Variants in DYM observed in about 807,000 individuals in gnomAD.
The protein encoded by DYM is dyggve-Melchior-Clausen syndrome protein.
Under a neutral mutation model 93.1 loss-of-function variants are expected in DYM, and 78 were observed. The ratio of observed to expected loss-of-function variants is 0.84; its 90% CI spans 0.70 to 1.01. The LOEUF (loss-of-function observed/expected upper bound fraction) is 1.01, where lower values mean the gene tolerates loss of function less well. DYM is among the 50% of genes least tolerant of loss of function. The pLI is 0.00. For missense variants in DYM, 789 were observed against 845.0 expected (o/e 0.93, Z 0.82); for synonymous variants, 321 against 319.7 (o/e 1.00, Z -0.04).
intron 1 of DYM, among the ~76,000 whole-genome samples, chr18:49,435,207 C>CAAAAAA: frequency 1.1e-5 from 1 of 88,754 alleles, no homozygotes; most frequent in Middle Eastern, 6.2e-3. Context: ...GACTCCATCT[C>CAAAAAA]AAAAAAAAAA....
intron 2 of DYM, among the ~76,000 whole-genome samples, chr18:49,401,530 A>C (rs560182821): frequency 1.3e-5 from 2 of 152,288 alleles, no homozygotes; most frequent in East Asian, 3.9e-4. Context: ...AACATCTGTC[A>C]TTTCTTTGTG....
intron 13 of DYM, among the ~76,000 whole-genome samples, chr18:49,220,916 C>A (rs376107598): frequency 1.3e-4 from 20 of 152,050 alleles, no homozygotes; most frequent in African/African-American, 2.9e-4. Context: ...GGATCTAATT[C>A]AACTAAAGAG....
intron 4 of DYM, 92 bp from the exon 5 acceptor site, chr18:49,378,792 GT>G: frequency 7.4e-7 from 1 of 1,346,054 alleles, no homozygotes; most frequent in South Asian, 1.2e-5. Flanking sequence ...TTTGACAACC[GT>G]TTTGTCCATC....
intron 8 of DYM, among the ~76,000 whole-genome samples, chr18:49,318,623 C>A (rs961582500): frequency 2.7e-4 from 40 of 150,226 alleles, no homozygotes; most frequent in Admixed American, 2.6e-3. Flanking sequence ...TCTGTCCCCC[C>A]ACAAAAAAGA....
At chr18:49,339,324 A>G (rs928966309) in intron 6 of DYM, among the ~76,000 whole-genome samples, 2 of 152,200 alleles carry the variant, frequency 1.3e-5, no homozygotes, top group Admixed American at 1.3e-4. Flanking sequence ...AATGACCCCA[A>G]TCATGCCTGC....
chr18:49,091,297 A>G (rs2145414925), intron 17 of DYM, among the ~76,000 whole-genome samples: 1 of 152,312 alleles, frequency 6.6e-6, no homozygotes, highest in East Asian at 1.9e-4. Flanking sequence ...ATAATTATAC[A>G]GTATGCTAGA....
intron 2 of DYM, among the ~76,000 whole-genome samples, chr18:49,400,876 T>C (rs936726782): frequency 6.6e-6 from 1 of 152,230 alleles, no homozygotes; most frequent in Non-Finnish European, 1.5e-5. Flanking sequence ...CAGGCATCTA[T>C]GCACAATGCT....
intron 13 of DYM, among the ~76,000 whole-genome samples, chr18:49,231,866 G>A (rs1358110299): frequency 6.6e-6 from 1 of 152,164 alleles, no homozygotes; most frequent in Non-Finnish European, 1.5e-5. Flanking sequence ...CTTGAAGAGG[G>A]TCACATCAAC....
At position 49,317,598 on chromosome 18, in the gene DYM, CCCCCT is replaced by C. The variant is rs201573482; in HGVS notation, c.763+14261_763+14265del. 1.0e-3 allele frequency among the ~76,000 whole-genome samples: 22 copies of C among 20,980 alleles called. No individual in the cohort carries two copies. In the South Asian group the frequency reaches 0.011, roughly 10 times the overall value. The allele number at this position is 20,980 out of a possible 152,430, so 13.8% of individuals were successfully genotyped here. ...CTCTCTCTCTCTCTCTCTCTCTCTC[CCCCCT>C]CCCCCCTCCCTCCCTCCCTCCCTCC... is the stretch of plus-strand genomic sequence containing the variant. On this transcript the variant is annotated intron_variant, in intron 8 of 17. Transcript: ENST00000675505.
At chr18:49,281,151 C>T (rs946880895) in intron 10 of DYM, among the ~76,000 whole-genome samples, 61 of 152,352 alleles carry the variant, frequency 4.0e-4, no homozygotes, top group Middle Eastern at 6.8e-3. Flanking sequence ...AGGATATGAA[C>T]AGACACTTCT....
At chr18:49,219,045 T>C (rs573197321) in intron 13 of DYM, among the ~76,000 whole-genome samples, 2 of 151,966 alleles carry the variant, frequency 1.3e-5, no homozygotes, top group Non-Finnish European at 2.9e-5. Context: ...AAGAATCAAA[T>C]AGATGCAATA....
chr18:49,315,951 G>A (rs965033339), intron 8 of DYM, among the ~76,000 whole-genome samples: 39 of 152,188 alleles, frequency 2.6e-4, no homozygotes, highest in African/African-American at 9.4e-4. Context: ...AAATACCCAA[G>A]TTTGCTAAAA....
At chr18:49,431,600 TGATAA>T (rs909674221) in intron 1 of DYM, 26 of 152,184 alleles carry the variant, frequency 1.7e-4, no homozygotes, top group Admixed American at 1.2e-3. Context: ...AATAAAATGG[TGATAA>T]GATAAATAAT....
At chr18:49,175,113 T>A (rs1246280955) in intron 14 of DYM, among the ~76,000 whole-genome samples, 1 of 152,182 alleles carries the variant, frequency 6.6e-6, no homozygotes, top group Non-Finnish European at 1.5e-5. Flanking sequence ...GCTCTTAAAC[T>A]GCTACACACA....
At chr18:49,107,789 G>A (rs142153098) in intron 16 of DYM, among the ~76,000 whole-genome samples, 2,255 of 152,234 alleles carry the variant, frequency 0.015, 113 homozygotes, top group East Asian at 0.11. Context: ...ACGAGTACCC[G>A]GCCGTGTGAA....
rs1280831337 is a variant in DYM at position 49,126,321 on chromosome 18, T to C, written c.1729-7395A>G. 2 of 152,196 alleles carry C rather than the reference T, an allele frequency of 1.3e-5. 1 individual carries two copies. Among genetic ancestry groups the C allele is most frequent in the Admixed American group, 1.3e-4 (2 of 15,278 alleles). The allele number at this position is 152,196 out of a possible 1,614,324, so 9.4% of individuals were successfully genotyped here. A position where few individuals can be genotyped will look rare whatever the true frequency, so the allele number is the denominator to read the frequency against. ...AATTATGTACCCTGAGATTCTGATT[T>C]ACTAAAAACAAAGTATCAAATTTTT... On this transcript the variant is annotated intron_variant, in intron 15 of 17. Transcript: ENST00000675505.
At chr18:49,322,344 T>C (rs181939502) in intron 8 of DYM, among the ~76,000 whole-genome samples, 39 of 152,286 alleles carry the variant, frequency 2.6e-4, no homozygotes, top group African/African-American at 8.9e-4. Flanking sequence ...CTCTTCAAAA[T>C]ATGAAATAAT....
chr18:49,199,780 T>C (rs1445532365), intron 14 of DYM, among the ~76,000 whole-genome samples: 2 of 152,222 alleles, frequency 1.3e-5, no homozygotes, highest in East Asian at 1.9e-4. Flanking sequence ...AGGAAACTCA[T>C]TAGAGCTTTG....
At chr18:49,065,779 A>C (rs1351306117) in intron 17 of DYM, among the ~76,000 whole-genome samples, 1 of 152,208 alleles carries the variant, frequency 6.6e-6, no homozygotes, top group Non-Finnish European at 1.5e-5. Flanking sequence ...ATCCAAACAT[A>C]TAACAACTAT....
Sources: allele counts gnomAD v4.1 joint callset (sites outside exome capture counted in the v4.1 genomes callset), GRCh38; gene constraint gnomAD v4.1.1; transcripts MANE v1.5; gene names NCBI Gene and HGNC (gene_info 2026-07-23, HGNC 2026-07-21).